SERGEF: variants seen among roughly 807,000 people sequenced by gnomAD.
SERGEF encodes the protein secretion regulating guanine nucleotide exchange factor.
SERGEF carries 51 observed loss-of-function variants against 50.0 expected under a neutral mutation model. That is an observed-to-expected ratio of 1.02 (90% CI 0.81 to 1.29). The LOEUF (loss-of-function observed/expected upper bound fraction) is 1.29. Ranked by LOEUF, SERGEF falls within the 50% of genes most tolerant of loss-of-function variation. SERGEF has a pLI of 0.00. For missense variants in SERGEF, 521 were observed against 557.0 expected, an observed-to-expected ratio of 0.94 and a Z score of 0.65; for synonymous variants, 205 against 212.4, an observed-to-expected ratio of 0.97 and a Z score of 0.30.
intron 8 of SERGEF, among the ~76,000 whole-genome samples, chr11:17,964,843 T>C (rs1853083891): frequency 6.6e-6 from 1 of 152,240 alleles, no homozygotes. Flanking sequence ...TTCTGCCATG[T>C]GGACAGAGAC....
chr11:17,943,626 A>G (rs556682372), intron 9 of SERGEF, among the ~76,000 whole-genome samples: 1 of 151,886 alleles, frequency 6.6e-6, no homozygotes, highest in Admixed American at 6.6e-5. Flanking sequence ...TCTTTTTCCA[A>G]CTTCTAAAGG....
chr11:17,990,257 C>T (rs1853686049), intron 7 of SERGEF, among the ~76,000 whole-genome samples: 1 of 152,168 alleles, frequency 6.6e-6, no homozygotes, highest in African/African-American at 2.4e-5. Flanking sequence ...TGACACTGGG[C>T]ACATCACTTC....
At chr11:17,861,746 A>G in intron 10 of SERGEF, among the ~76,000 whole-genome samples, 1 of 152,262 alleles carries the variant, frequency 6.6e-6, no homozygotes, top group East Asian at 1.9e-4. Context: ...GGAGTTGCCA[A>G]CTAGAATGGG....
Position 17,870,122 on chromosome 11 carries a change from G to T in SERGEF, c.1048+8086C>A, listed in dbSNP as rs544686755. Among the ~76,000 whole-genome samples, 4 of 152,250 alleles carry T rather than the reference G, an allele frequency of 2.6e-5. No individual in the cohort carries two copies. The East Asian group carries it at 7.7e-4, about 29-fold the overall frequency. ...ACTTCATTTGGCACTTCTCCTTCCT[G>T]CCACCTTGTGAAGAAGGTGCCTTGC... is the stretch of plus-strand genomic sequence containing the variant. On this transcript the variant is annotated intron_variant, in intron 10 of 10. Transcript: ENST00000265965.
intron 8 of SERGEF, among the ~76,000 whole-genome samples, chr11:17,975,249 T>C (rs1853345938): frequency 6.6e-6 from 1 of 152,138 alleles, no homozygotes; most frequent in African/African-American, 2.4e-5. Flanking sequence ...ATGTGTAAAA[T>C]GGGAGTGAGC....
intron 9 of SERGEF, chr11:17,918,660 A>T (rs1384158242): frequency 2.2e-6 from 1 of 447,184 alleles, no homozygotes; most frequent in African/African-American, 2.0e-5. Context: ...ACATACACAC[A>T]CACTCTCTCT....
intron 8 of SERGEF, among the ~76,000 whole-genome samples, chr11:17,985,084 C>G (rs767260959): frequency 2.6e-5 from 4 of 152,166 alleles, no homozygotes; most frequent in Non-Finnish European, 5.9e-5. Context: ...CTTTAGAAAA[C>G]TTTGCTGTCA....
chr11:18,003,814 G>A (rs1046511268), intron 4 of SERGEF, among the ~76,000 whole-genome samples: 1 of 152,148 alleles, frequency 6.6e-6, no homozygotes, highest in African/African-American at 2.4e-5. Flanking sequence ...TGAGGGGAAG[G>A]GAGAATAGGA....
intron 9 of SERGEF, among the ~76,000 whole-genome samples, chr11:17,947,977 G>C (rs1177455161): frequency 6.8e-6 from 1 of 147,110 alleles, no homozygotes; most frequent in East Asian, 2.0e-4. Context: ...TTCTGAGACG[G>C]AGTCTTGTTC....
intron 10 of SERGEF, among the ~76,000 whole-genome samples, chr11:17,806,930 A>T (rs546483880): frequency 2.0e-5 from 3 of 152,128 alleles, no homozygotes; most frequent in Admixed American, 2.0e-4. Context: ...CTGAGCCAGG[A>T]CTTTGTTCAT....
intron 9 of SERGEF, among the ~76,000 whole-genome samples, chr11:17,913,098 T>C: frequency 6.6e-6 from 1 of 152,230 alleles, no homozygotes; most frequent in Admixed American, 6.5e-5. Flanking sequence ...ATATCTGCAC[T>C]AGCAACTCTT....
rs1472470665 is a variant in SERGEF, at chr11:17,959,512, G to A, written c.969C>T (p.Asn323=). 1 of 1,614,108 alleles carries A rather than the reference G, an allele frequency of 6.2e-7. No individual in the cohort carries two copies. The part of the protein sequence containing the change: ...DSFLPCSRPP[N]SMPSSPHCLT... ...AGCAATGCGGAGACGAAGGCATGCT[G>A]TTCGGTGGTCTTGAACAGGGGAGAA... Residue 323 remains asparagine (N), a synonymous_variant, in exon 9 of 11, where the codon AAC becomes AAT. Coordinates refer to ENST00000265965, the MANE Select transcript of SERGEF (RefSeq NM_012139.4).
At chr11:17,931,306 A>G (rs961880796) in intron 9 of SERGEF, among the ~76,000 whole-genome samples, 3 of 152,200 alleles carry the variant, frequency 2.0e-5, no homozygotes, top group African/African-American at 7.2e-5. Context: ...ACTATCAGAA[A>G]GAACATGGGG....
chr11:17,848,036 C>A (rs989161321), intron 10 of SERGEF, among the ~76,000 whole-genome samples: 1 of 151,932 alleles, frequency 6.6e-6, no homozygotes, highest in African/African-American at 2.4e-5. Context: ...CATGGAAAAG[C>A]AAAAAATCAA....
intron 9 of SERGEF, among the ~76,000 whole-genome samples, chr11:17,955,398 A>G (rs529610589): frequency 6.6e-6 from 1 of 152,226 alleles, no homozygotes. Flanking sequence ...ACACTGGTGC[A>G]TGACAGGTGT....
At chr11:17,894,974 G>A (rs931234696) in intron 9 of SERGEF, among the ~76,000 whole-genome samples, 9 of 152,204 alleles carry the variant, frequency 5.9e-5, no homozygotes, top group African/African-American at 2.2e-4. Context: ...GGCCTGTAGT[G>A]TATGGGGAAA....
At chr11:17,840,385 T>G (rs922922425) in intron 10 of SERGEF, among the ~76,000 whole-genome samples, 1 of 152,182 alleles carries the variant, frequency 6.6e-6, no homozygotes, top group Non-Finnish European at 1.5e-5. Flanking sequence ...TCCTATCACA[T>G]GGTGCCAGGG....
At chr11:17,896,815 T>A (rs539755376) in intron 9 of SERGEF, among the ~76,000 whole-genome samples, 771 of 60,584 alleles carry the variant, frequency 0.013, 33 homozygotes, top group Non-Finnish European at 0.017. Context: ...AAGGGAAGGG[T>A]AAGGGAAGGG....
At chr11:17,822,490 C>A (rs4757591) in intron 10 of SERGEF, among the ~76,000 whole-genome samples, 51,046 of 152,078 alleles carry the variant, frequency 0.34, 8,774 homozygotes, top group South Asian at 0.46. Flanking sequence ...GAAATTCTGG[C>A]TGAAAAAGAA....
Sources: allele counts gnomAD v4.1 joint callset (sites outside exome capture counted in the v4.1 genomes callset), GRCh38; gene constraint gnomAD v4.1.1; transcripts MANE v1.5; gene names NCBI Gene and HGNC (gene_info 2026-07-23, HGNC 2026-07-21).